The following DGKB variants were observed in gnomAD, a reference collection of about 807,000 sequenced individuals.
DGKB encodes the protein 90 kDa diacylglycerol kinase.
In DGKB, 67 loss-of-function variants were observed where a neutral mutation model predicts 114.3. The observed-to-expected ratio is 0.59, with a 90% CI of 0.48 to 0.72. The LOEUF is 0.72. Among genes scored for constraint, DGKB ranks in the 30% least tolerant of loss-of-function variants. The pLI, the probability that DGKB is intolerant of heterozygous loss-of-function variation, is 0.00. For missense variants in DGKB, 907 were observed against 975.2 expected (o/e 0.93, Z 0.93); for synonymous variants, 398 against 323.1 (o/e 1.23, Z -2.49).
At chr7:14,791,824 G>T (rs1840704691) in intron 2 of DGKB, among the ~76,000 whole-genome samples, 1 of 151,958 alleles carries the variant, frequency 6.6e-6, no homozygotes, top group African/African-American at 2.4e-5. Flanking sequence ...TCTACACTAG[G>T]GATTTTATTA....
intron 14 of DGKB, among the ~76,000 whole-genome samples, chr7:14,624,789 G>A (rs1461362962): frequency 1.3e-5 from 2 of 152,096 alleles, no homozygotes; most frequent in African/African-American, 2.4e-5. Flanking sequence ...CTGGAGCCCA[G>A]GAGTTCAAGA....
chr7:14,566,719 C>G (rs1483479769), intron 20 of DGKB, among the ~76,000 whole-genome samples: 3 of 152,102 alleles, frequency 2.0e-5, no homozygotes, highest in Non-Finnish European at 4.4e-5. Flanking sequence ...CCCCCTATCC[C>G]TCTCCATGCT....
intron 13 of DGKB, among the ~76,000 whole-genome samples, chr7:14,643,450 C>T (rs933023815): frequency 5.3e-5 from 8 of 152,272 alleles, no homozygotes; most frequent in South Asian, 2.1e-4. Flanking sequence ...CACCAGAATA[C>T]ATTCTGACTT....
At chr7:14,482,943 T>G (rs1260879667) in intron 20 of DGKB, among the ~76,000 whole-genome samples, 3 of 152,140 alleles carry the variant, frequency 2.0e-5, no homozygotes, top group African/African-American at 7.2e-5. Context: ...TTCTTTATGC[T>G]GCAGAATAGT....
chr7:14,325,002 C>A (rs1808473669), intron 23 of DGKB, among the ~76,000 whole-genome samples: 1 of 152,178 alleles, frequency 6.6e-6, no homozygotes, highest in African/African-American at 2.4e-5. Context: ...CAGTCAGCAT[C>A]TGTTTGAAAA....
intron 1 of DGKB, among the ~76,000 whole-genome samples, chr7:14,859,390 A>G (rs1207190447): frequency 6.6e-6 from 1 of 152,130 alleles, no homozygotes; most frequent in Non-Finnish European, 1.5e-5. Context: ...TTACTTCATT[A>G]GATATATTTG....
At chr7:14,569,693 C>G (rs6978171) in intron 20 of DGKB, among the ~76,000 whole-genome samples, 79,017 of 151,800 alleles carry the variant, frequency 0.52, 20,647 homozygotes, top group East Asian at 0.61. Context: ...ATTTATTTCT[C>G]TCCTTATTGT....
At chr7:14,911,052 G>A (rs994137153) in intron 1 of DGKB, among the ~76,000 whole-genome samples, 22 of 151,960 alleles carry the variant, frequency 1.4e-4, no homozygotes, top group African/African-American at 5.3e-4. Flanking sequence ...AGAAATAACT[G>A]TATACAGCCA....
intron 23 of DGKB, among the ~76,000 whole-genome samples, chr7:14,328,074 A>C (rs1165696117): frequency 6.6e-6 from 1 of 152,114 alleles, no homozygotes; most frequent in Non-Finnish European, 1.5e-5. Context: ...AGTAAATCTA[A>C]AAATGGAATG....
intron 23 of DGKB, among the ~76,000 whole-genome samples, chr7:14,327,174 A>C (rs1354859704): frequency 1.3e-5 from 2 of 152,162 alleles, no homozygotes; most frequent in African/African-American, 4.8e-5. Flanking sequence ...CATTCATTTC[A>C]TTCCTCAAGA....
chr7:14,612,488 A>G (rs1423240336), intron 16 of DGKB, among the ~76,000 whole-genome samples: 1 of 152,134 alleles, frequency 6.6e-6, no homozygotes, highest in Non-Finnish European at 1.5e-5. Flanking sequence ...TGATTCAATA[A>G]TGAAAAGCAT....
intron 1 of DGKB, among the ~76,000 whole-genome samples, chr7:14,968,922 A>G (rs1787311701): frequency 6.6e-6 from 1 of 152,158 alleles, no homozygotes; most frequent in Non-Finnish European, 1.5e-5. Context: ...TTTTCTTACT[A>G]TGTATTATCA....
At chr7:14,425,457 T>A (rs1457002552) in intron 21 of DGKB, among the ~76,000 whole-genome samples, 1 of 151,974 alleles carries the variant, frequency 6.6e-6, no homozygotes, top group Non-Finnish European at 1.5e-5. Flanking sequence ...TGAAAAAAAA[T>A]GCCATTTTCA....
chr7:14,704,467 A>G (rs1288056100), intron 6 of DGKB, among the ~76,000 whole-genome samples: 1 of 150,714 alleles, frequency 6.6e-6, no homozygotes, highest in African/African-American at 2.5e-5. Context: ...AAAAAAAAGA[A>G]AAAAGAAAAA....
intron 1 of DGKB, among the ~76,000 whole-genome samples, chr7:14,857,979 C>T (rs563541597): frequency 6.6e-6 from 1 of 152,086 alleles, no homozygotes; most frequent in South Asian, 2.1e-4. Context: ...ATTTATTTGA[C>T]TGGTGAACCT....
intron 1 of DGKB, among the ~76,000 whole-genome samples, chr7:14,925,872 C>CG (rs1562880436): frequency 1.4e-5 from 2 of 146,432 alleles, no homozygotes; most frequent in East Asian, 3.9e-4. Context: ...GGGTCCCCCC[C>CG]CCACTTCCAG....
At chr7:14,316,323 C>CA (rs1457791355) in intron 23 of DGKB, among the ~76,000 whole-genome samples, 2 of 139,650 alleles carry the variant, frequency 1.4e-5, no homozygotes, top group Non-Finnish European at 3.1e-5. Flanking sequence ...AAAAACCCTT[C>CA]AAAAAATTAA....
rs553627361 is a variant in DGKB at position 14,689,207 on chromosome 7, T to A, written c.712-3845A>T. ...TGACAGAAACTCCTCTTATTTTTTT[T>A]TTTTTTTTTTTTTTTTTGAGAGGAG... On this transcript the variant is annotated intron_variant, in intron 9 of 25. Coordinates refer to ENST00000402815, the MANE Select transcript of DGKB (RefSeq NM_001350709.2). Among the ~76,000 whole-genome samples the A allele has an allele frequency of 8.0e-3, 1,000 of 125,018 alleles. 23 individuals are homozygous for A. The highest frequency in any genetic ancestry group is 0.026 in the African/African-American group (955 of 36,686). 82.0% of individuals were successfully genotyped at this position (125,018 alleles called of 152,430 possible).
At chr7:14,247,446 G>T (rs1474328830) in intron 23 of DGKB, among the ~76,000 whole-genome samples, 1 of 152,054 alleles carries the variant, frequency 6.6e-6, no homozygotes, top group East Asian at 1.9e-4. Context: ...CATAATGGCT[G>T]TGCCAATTTA....
Sources: gnomAD v4.1 joint callset for allele counts (sites outside exome capture counted in the v4.1 genomes callset) on GRCh38, gnomAD v4.1.1 for gene constraint, MANE v1.5 for transcripts, NCBI Gene and HGNC (gene_info 2026-07-23, HGNC 2026-07-21) for gene names.